Variants in MYRFL observed in about 807,000 individuals in gnomAD.
MYRFL encodes myelin regulatory factor like, also known as myelin regulatory factor-like protein.
A neutral mutation model predicts 109.4 loss-of-function variants in MYRFL; 88 were observed. The observed-to-expected ratio is 0.80, with a 90% CI of 0.68 to 0.96. The LOEUF (loss-of-function observed/expected upper bound fraction) is 0.96, where lower values mean the gene tolerates loss of function less well. Among genes scored for constraint, MYRFL ranks in the 40% least tolerant of loss-of-function variants. The pLI, the probability that MYRFL is intolerant of heterozygous loss-of-function variation, is 0.00. For missense variants in MYRFL, 957 were observed against 954.9 expected (o/e 1.00, Z -0.03); for synonymous variants, 324 against 320.9 (o/e 1.01, Z -0.10).
At chr12:69,908,573 G>A (rs1954452807) in intron 11 of MYRFL, among the ~76,000 whole-genome samples, 1 of 152,170 alleles carries the variant, frequency 6.6e-6, no homozygotes, top group Admixed American at 6.5e-5. Flanking sequence ...TCATCGCTAG[G>A]AAGCCTTCCT....
In MYRFL at chr12:69,886,935, T is replaced by C. The variant is rs753864491; in HGVS notation, c.672T>C (p.Pro224=). 1 of 1,535,878 alleles carries C rather than the reference T, an allele frequency of 6.5e-7. No individual in the cohort carries two copies. The highest frequency in any genetic ancestry group is 1.2e-5 in the South Asian group (1 of 84,046). ...AGTGGCAACCATGCCATAGTGTTCC[T>C]TGGCACAGCTTATTAAACAGTCATT... ...ALKWQPCHSV[P]WHSLLNSHYE... is the part of the protein sequence containing the mutation. Residue 224 remains proline (P), a synonymous_variant, in exon 6 of 25, where the codon CCT becomes CCC. Coordinates refer to ENST00000552032, the MANE Select transcript of MYRFL (RefSeq NM_182530.3).
intron 1 of MYRFL, among the ~76,000 whole-genome samples, chr12:69,834,807 A>G (rs1430303099): frequency 2.6e-5 from 4 of 152,240 alleles, no homozygotes; most frequent in Admixed American, 1.3e-4. Context: ...TTGCCAAGCA[A>G]CAAAGGACAA....
At chr12:69,880,426 T>C (rs1191837464) in intron 5 of MYRFL, 134 bp downstream of exon 5, 1 of 577,164 alleles carries the variant, frequency 1.7e-6, no homozygotes. Flanking sequence ...CTCTGGTAGT[T>C]TGGTTCTTCC....
chr12:69,910,888 CG>C lies in MYRFL; in HGVS notation c.1562del (p.Gly521GlufsTer22). On this transcript the variant is annotated frameshift_variant, in exon 13 of 25. Coordinates refer to ENST00000552032, the MANE Select transcript of MYRFL (RefSeq NM_182530.3). LOFTEE classifies it high-confidence loss of function. ...TAAGAGAGGTTGGTGATGTCACCTGCGGAAACGGAGAGACCTTGGAGAACTT... is the reference window on the plus strand; with the variant it reads ...TAAGAGAGGTTGGTGATGTCACCTGCGAAACGGAGAGACCTTGGAGAACTT... Reference protein sequence around the residue: ...AVREVGDVTCGNGETLENFLM... With the variant: ...AVREVGDVTCXNGETLENFLM... The C allele has an allele frequency of 6.5e-7, 1 of 1,535,020 alleles. No homozygotes were observed. The highest frequency in any genetic ancestry group is 1.7e-4 in the Middle Eastern group (1 of 5,982).
At chr12:69,899,266 C>A (rs1237690106) in intron 10 of MYRFL, among the ~76,000 whole-genome samples, 1 of 152,172 alleles carries the variant, frequency 6.6e-6, no homozygotes, top group Non-Finnish European at 1.5e-5. Context: ...AACTCTGAAA[C>A]ACAGAAGTGA....
chr12:69,882,861 C>T (rs1886215735), intron 5 of MYRFL, among the ~76,000 whole-genome samples: 1 of 152,194 alleles, frequency 6.6e-6, no homozygotes. Context: ...GTAAGAGGTG[C>T]ACTGGCTGAA....
chr12:69,838,327 T>C (rs1009587655), intron 1 of MYRFL, among the ~76,000 whole-genome samples: 2 of 152,290 alleles, frequency 1.3e-5, no homozygotes, highest in South Asian at 2.1e-4. Context: ...AAAGGCTTTT[T>C]CCCTTCCTCC....
chr12:69,943,538 T>G (rs1205707858), intron 19 of MYRFL, among the ~76,000 whole-genome samples: 2 of 150,852 alleles, frequency 1.3e-5, no homozygotes, highest in East Asian at 3.9e-4. Context: ...CAATTCAAGA[T>G]GGATTAAAGA....
chr12:69,846,106 CTTTTTT>C lies in MYRFL; in HGVS notation c.47-9152_47-9147del, dbSNP rs60251292. On this transcript the variant is annotated intron_variant, in intron 1 of 24. Coordinates refer to ENST00000552032, the MANE Select transcript of MYRFL (RefSeq NM_182530.3). Reference sequence around the variant, plus strand: ...CTTTTAGATATTGGCTATTGACTATCTTTTTTTTTTTTTTTTTTTTTTTTTTTATGA... The same window carrying C: ...CTTTTAGATATTGGCTATTGACTATCTTTTTTTTTTTTTTTTTTTTTATGA... 2.4e-4 allele frequency among the ~76,000 whole-genome samples: 15 copies of C among 61,726 alleles called. No homozygotes were observed. The South Asian group carries it at 3.6e-3, about 15-fold the overall frequency. The allele number at this position is 61,726 out of a possible 152,430, so 40.5% of individuals were successfully genotyped here. A position where few individuals can be genotyped will look rare whatever the true frequency, so the allele number is the denominator to read the frequency against.
chr12:69,886,599 C>T (rs150556670), intron 5 of MYRFL, among the ~76,000 whole-genome samples: 151 of 152,128 alleles, frequency 9.9e-4, no homozygotes, highest in African/African-American at 3.5e-3. Flanking sequence ...ACAAAGTTTC[C>T]AACAGGTGTT....
chr12:69,826,174 A>G (rs1180063730), intron 1 of MYRFL, among the ~76,000 whole-genome samples: 1 of 152,130 alleles, frequency 6.6e-6, no homozygotes, highest in Non-Finnish European at 1.5e-5. Flanking sequence ...GTGAGATTCT[A>G]TGTCACTATT....
intron 9 of MYRFL, among the ~76,000 whole-genome samples, chr12:69,895,863 A>G (rs1004451602): frequency 6.6e-5 from 10 of 152,346 alleles, no homozygotes; most frequent in African/African-American, 2.4e-4. Flanking sequence ...TTGATTAAAA[A>G]AGAAAATAAC....
chr12:69,952,060 C>T, intron 19 of MYRFL, 53 bp from the exon 20 acceptor site: 3 of 1,493,770 alleles, frequency 2.0e-6, no homozygotes, highest in South Asian at 2.4e-5. Flanking sequence ...CATGGGGTTT[C>T]TTCTCTTCTC....
At chr12:69,827,685 A>T (rs535711343) in intron 1 of MYRFL, among the ~76,000 whole-genome samples, 3 of 152,120 alleles carry the variant, frequency 2.0e-5, no homozygotes, top group Non-Finnish European at 2.9e-5. Context: ...TGGATTTATT[A>T]ATTATGGTTC....
intron 15 of MYRFL, among the ~76,000 whole-genome samples, chr12:69,931,753 T>G (rs954444761): frequency 6.6e-6 from 1 of 152,214 alleles, no homozygotes; most frequent in Non-Finnish European, 1.5e-5. Context: ...CTTCTATCTC[T>G]TCAGCCAGAT....
chr12:69,863,131 G>A (rs959759552), intron 2 of MYRFL, among the ~76,000 whole-genome samples: 6 of 151,888 alleles, frequency 4.0e-5, no homozygotes, highest in East Asian at 1.9e-4. Flanking sequence ...GCTTTTTGAT[G>A]TGCTGCTGGA....
intron 1 of MYRFL, among the ~76,000 whole-genome samples, chr12:69,844,126 A>C (rs2136317708): frequency 6.6e-6 from 1 of 152,318 alleles, no homozygotes; most frequent in East Asian, 1.9e-4. Flanking sequence ...CTGTGGATTT[A>C]TCTTTTTGAG....
intron 15 of MYRFL, 29 bp downstream of exon 15, chr12:69,927,777 A>G: frequency 6.7e-7 from 1 of 1,502,536 alleles, no homozygotes; most frequent in African/African-American, 1.4e-5. Context: ...AATGAAAGGA[A>G]ATGATGTTTT....
At chr12:69,943,311 C>T (rs1177318252) in intron 19 of MYRFL, among the ~76,000 whole-genome samples, 2 of 149,670 alleles carry the variant, frequency 1.3e-5, no homozygotes, top group Admixed American at 6.6e-5. Flanking sequence ...ACCAAAACAG[C>T]ATGGTACTGG....
Sources: gnomAD v4.1 joint callset for allele counts (sites outside exome capture counted in the v4.1 genomes callset) on GRCh38, gnomAD v4.1.1 for gene constraint, MANE v1.5 for transcripts, NCBI Gene and HGNC (gene_info 2026-07-23, HGNC 2026-07-21) for gene names.